HPS5: variants seen among roughly 807,000 people sequenced by gnomAD.
The protein encoded by HPS5 is BLOC-2 complex member HPS5.
A neutral mutation model predicts 128.0 loss-of-function variants in HPS5; 83 were observed. That is an observed-to-expected ratio of 0.65 (90% CI 0.54 to 0.78). The LOEUF (loss-of-function observed/expected upper bound fraction) is 0.78, where lower values mean the gene tolerates loss of function less well. Ranked by LOEUF, HPS5 falls within the 30% of genes least tolerant of loss-of-function variation. The pLI is 0.00. For synonymous variants in HPS5, 475 were observed against 470.2 expected (o/e 1.01, Z -0.13); for missense variants, 1,281 against 1,326.2 (o/e 0.97, Z 0.53).
chr11:18,305,954 G>A (rs867570547), intron 7 of HPS5, among the ~76,000 whole-genome samples, 181 bp downstream of exon 7: 6 of 152,064 alleles, frequency 3.9e-5, no homozygotes, highest in African/African-American at 1.4e-4. Flanking sequence ...GGATGGTCTC[G>A]ATCTCCTGAC....
chr11:18,286,923 G>A (rs909193573), intron 18 of HPS5: 6 of 627,146 alleles, frequency 9.6e-6, no homozygotes, highest in South Asian at 4.0e-5. Context: ...AAAAAAAAAG[G>A]GAGAGAAAGA....
intron 13 of HPS5, 63 bp downstream of exon 13, chr11:18,295,936 A>G: frequency 6.6e-7 from 1 of 1,512,466 alleles, no homozygotes; most frequent in Non-Finnish European, 9.2e-7. Context: ...AGCACAAATT[A>G]CCTAATGTGA....
chr11:18,291,570 T>A lies in HPS5; in HGVS notation c.2312A>T (p.Glu771Val). ...CTTCAGGAACTGGCAAGCCAGAATT[T>A]CAGGAGAGTACTGTTGCAAAGTGTG... ...VDHTLQQYSP[E>V]ILACQFLKKY... Residue 771 changes from glutamate (E) to valine (V), a missense_variant, in exon 16 of 23, where the codon GAA (glutamate) becomes GTA (valine). Transcript: ENST00000349215. The A allele has an allele frequency of 6.2e-7, 1 of 1,611,520 alleles. No homozygotes were observed. The highest frequency in any genetic ancestry group is 2.2e-5 in the East Asian group (1 of 44,860).
At chr11:18,285,552 G>C in intron 19 of HPS5, 93 bp from the exon 20 acceptor site, 1 of 844,266 alleles carries the variant, frequency 1.2e-6, no homozygotes, top group Non-Finnish European at 2.0e-6. Flanking sequence ...GAGTTTAACT[G>C]CATTCTATTA....
At chr11:18,293,376 G>A (rs1260133641) in intron 14 of HPS5, among the ~76,000 whole-genome samples, 1 of 152,126 alleles carries the variant, frequency 6.6e-6, no homozygotes, top group Non-Finnish European at 1.5e-5. Context: ...GTTTCATCAT[G>A]TTAGTCAGAA....
chr11:18,307,356 GCTTTA>G (rs1862489134), intron 6 of HPS5, among the ~76,000 whole-genome samples: 1 of 152,098 alleles, frequency 6.6e-6, no homozygotes, highest in Non-Finnish European at 1.5e-5. Flanking sequence ...TATAACATTT[GCTTTA>G]CTTTAAGAAC....
chr11:18,306,101 T>A, intron 7 of HPS5, 34 bp downstream of exon 7: 1 of 1,435,230 alleles, frequency 7.0e-7, no homozygotes, highest in Non-Finnish European at 9.8e-7. Flanking sequence ...TAGAAGCTCT[T>A]CAAACAATCC....
At chr11:18,301,954 A>G (rs577713241) in intron 8 of HPS5, among the ~76,000 whole-genome samples, 1 of 152,182 alleles carries the variant, frequency 6.6e-6, no homozygotes, top group South Asian at 2.1e-4. Flanking sequence ...TCCTCCACTT[A>G]TCTTCACTAA....
intron 11 of HPS5, 140 bp from the exon 12 acceptor site, chr11:18,297,124 C>G (rs1861172634): frequency 4.4e-6 from 3 of 686,258 alleles, no homozygotes; most frequent in Non-Finnish European, 7.5e-6. Flanking sequence ...AACTGATGAG[C>G]AAGGCTTAGG....
At position 18,317,873 on chromosome 11, in the gene HPS5, G is replaced by A. The variant is rs1356881170; in HGVS notation, c.-15C>T. 6.2e-7 allele frequency: 1 copy of A among 1,609,922 alleles called. No individual in the cohort carries two copies. On this transcript the variant is annotated 5_prime_UTR_variant, in exon 2 of 23. Coordinates refer to ENST00000349215, the MANE Select transcript of HPS5 (RefSeq NM_181507.2). Reference sequence around the variant, plus strand: ...ACAAAAGCCATTTAGCCAGAAAGCTGAAACTTGTTGAATGATAGATACAGT... The same window carrying A: ...ACAAAAGCCATTTAGCCAGAAAGCTAAAACTTGTTGAATGATAGATACAGT...
Position 18,308,929 on chromosome 11 carries a change from A to G in HPS5, c.611+17T>C, listed in dbSNP as rs2134455545. The G allele has an allele frequency of 5.6e-6, 9 of 1,613,604 alleles. No individual in the cohort carries two copies. Among genetic ancestry groups the G allele is most frequent in the Non-Finnish European group, 7.6e-6 (9 of 1,179,596 alleles). On this transcript the variant is annotated intron_variant, in intron 6 of 22. Transcript: ENST00000349215. The stretch of plus-strand genomic sequence containing the variant: ...TAAAATTCTGCATTTCTGATGACTA[A>G]TGGTTGGTCAATATACCTCTCAGTG...
intron 16 of HPS5, among the ~76,000 whole-genome samples, chr11:18,288,825 G>A (rs1410098426): frequency 1.3e-5 from 2 of 151,904 alleles, no homozygotes; most frequent in Non-Finnish European, 2.9e-5. Flanking sequence ...ACATGCGTGT[G>A]TGGAGAGACA....
rs375091608 is a variant in HPS5, at chr11:18,279,841, T to C, written c.*41A>G. The C allele has an allele frequency of 9.4e-6, 15 of 1,588,106 alleles. No individual in the cohort carries two copies. The highest frequency in any genetic ancestry group is 2.2e-5 in the South Asian group (2 of 90,488). ...AGAAGGTTCAGGAGCATGATTTAGTTTTTCTCAAAATGTCATGACATCCTG... is the reference window on the plus strand; with the variant it reads ...AGAAGGTTCAGGAGCATGATTTAGTCTTTCTCAAAATGTCATGACATCCTG... On this transcript the variant is annotated 3_prime_UTR_variant, in exon 23 of 23. Coordinates refer to ENST00000349215, the MANE Select transcript of HPS5 (RefSeq NM_181507.2).
At chr11:18,287,804 A>AT in intron 17 of HPS5, 89 bp downstream of exon 17, 1 of 1,589,116 alleles carries the variant, frequency 6.3e-7, no homozygotes. Flanking sequence ...AAGCTGCCTC[A>AT]TATGCAAATG....
chr11:18,281,233 C>T (rs1383619586), intron 22 of HPS5, among the ~76,000 whole-genome samples: 2 of 150,014 alleles, frequency 1.3e-5, no homozygotes, highest in Admixed American at 1.3e-4. Flanking sequence ...TGTCTGCCAC[C>T]ATGTCCAGTT....
intron 4 of HPS5, 126 bp from the exon 5 acceptor site, chr11:18,311,059 T>C (rs975546273): frequency 7.9e-6 from 6 of 761,656 alleles, no homozygotes; most frequent in Non-Finnish European, 1.4e-5. Flanking sequence ...GGAAGTATTA[T>C]AAAAAGTCAA....
chr11:18,296,963 A>G lies in HPS5; in HGVS notation c.1345T>C (p.Ser449Pro), dbSNP rs200743312. 1.2e-6 allele frequency: 2 copies of G among 1,603,606 alleles called. No homozygotes were observed. Among genetic ancestry groups the G allele is most frequent in the Middle Eastern group, 1.7e-4 (1 of 5,866 alleles). ...CTACTAATGATACGATAAATACCAG[A>G]GTCCAAGATGCTGAAACTTTCCTAA... ...SSHESFSILD[S>P]GIYRIISSRR... Residue 449 changes from serine (S) to proline (P), a missense_variant, in exon 12 of 23, where the codon TCT (serine) becomes CCT (proline). Transcript: ENST00000349215.
At chr11:18,312,552 C>T (rs1309557403) in intron 2 of HPS5, among the ~76,000 whole-genome samples, 1 of 152,166 alleles carries the variant, frequency 6.6e-6, no homozygotes, top group African/African-American at 2.4e-5. Flanking sequence ...AGAGACATTC[C>T]CAATCTTCTT....
At chr11:18,286,473 T>G (rs1174549002) in intron 19 of HPS5, 118 bp downstream of exon 19, 1 of 1,005,718 alleles carries the variant, frequency 9.9e-7, no homozygotes, top group Non-Finnish European at 1.5e-6. Flanking sequence ...GCCTAGGAGG[T>G]CAAGGCTGCA....
Sources: allele counts gnomAD v4.1 joint callset (sites outside exome capture counted in the v4.1 genomes callset), GRCh38; gene constraint gnomAD v4.1.1; transcripts MANE v1.5; gene names NCBI Gene and HGNC (gene_info 2026-07-23, HGNC 2026-07-21).